The following ZMAT4 variants were observed in gnomAD, a reference collection of about 807,000 sequenced individuals.
The protein encoded by ZMAT4 is zinc finger matrin-type protein 4.
ZMAT4 carries 17 observed loss-of-function variants against 28.7 expected under a neutral mutation model. The ratio of observed to expected loss-of-function variants is 0.59; its 90% CI spans 0.41 to 0.89. The LOEUF is 0.89. ZMAT4 is among the 40% of genes least tolerant of loss of function. ZMAT4 has a pLI of 0.00. For synonymous variants in ZMAT4, 117 were observed against 109.2 expected (o/e 1.07, Z -0.44); for missense variants, 240 against 283.8 (o/e 0.85, Z 1.11).
chr8:40,874,272 C>T (rs1188974993), intron 1 of ZMAT4, among the ~76,000 whole-genome samples: 4 of 152,200 alleles, frequency 2.6e-5, no homozygotes, highest in South Asian at 2.1e-4. Context: ...TGGCCACACC[C>T]GTCACGTCCA....
intron 5 of ZMAT4, among the ~76,000 whole-genome samples, chr8:40,672,382 T>C (rs1808713089): frequency 6.6e-6 from 1 of 152,142 alleles, no homozygotes; most frequent in Admixed American, 6.6e-5. Flanking sequence ...TCTTAAGCTT[T>C]TGCAATATTT....
At chr8:40,573,844 G>T (rs1804177202) in intron 6 of ZMAT4, among the ~76,000 whole-genome samples, 1 of 152,178 alleles carries the variant, frequency 6.6e-6, no homozygotes, top group Admixed American at 6.5e-5. Flanking sequence ...TTAAGATTGA[G>T]AAAAGATTTG....
intron 3 of ZMAT4, among the ~76,000 whole-genome samples, chr8:40,758,409 C>A (rs972480830): frequency 1.4e-4 from 22 of 152,146 alleles, no homozygotes; most frequent in Admixed American, 1.4e-3. Flanking sequence ...TGACTCTTTT[C>A]AAATGTATGT....
chr8:40,687,771 T>A (rs1280193767), intron 4 of ZMAT4, among the ~76,000 whole-genome samples: 1 of 152,204 alleles, frequency 6.6e-6, no homozygotes, highest in African/African-American at 2.4e-5. Context: ...TTTTGCTAAC[T>A]GAAAATGAAA....
intron 1 of ZMAT4, chr8:40,884,749 C>G (rs546306284): frequency 1.3e-4 from 20 of 152,422 alleles, no homozygotes; most frequent in African/African-American, 4.8e-4. Context: ...TTGCTGGTTC[C>G]TCTCCAGTGT....
chr8:40,671,233 G>A (rs1808653007), intron 5 of ZMAT4, among the ~76,000 whole-genome samples: 1 of 152,142 alleles, frequency 6.6e-6, no homozygotes, highest in African/African-American at 2.4e-5. Flanking sequence ...TTTTTGAAGT[G>A]CAAAGTAACG....
intron 3 of ZMAT4, among the ~76,000 whole-genome samples, chr8:40,749,899 A>G (rs1812387640): frequency 6.6e-6 from 1 of 152,196 alleles, no homozygotes; most frequent in Non-Finnish European, 1.5e-5. Flanking sequence ...TGCTTACATG[A>G]TAGAATTTTC....
intron 5 of ZMAT4, among the ~76,000 whole-genome samples, chr8:40,625,708 T>G (rs1348525480): frequency 6.6e-6 from 1 of 151,898 alleles, no homozygotes; most frequent in Non-Finnish European, 1.5e-5. Context: ...GCTGAGATAT[T>G]TAGTAGACAC....
At chr8:40,759,035 A>T (rs987974543) in intron 3 of ZMAT4, among the ~76,000 whole-genome samples, 2 of 152,180 alleles carry the variant, frequency 1.3e-5, no homozygotes, top group Non-Finnish European at 2.9e-5. Context: ...CTGTAATCCT[A>T]GCCCTTTGGA....
intron 3 of ZMAT4, among the ~76,000 whole-genome samples, chr8:40,758,914 A>G (rs1812805001): frequency 6.6e-6 from 1 of 152,206 alleles, no homozygotes; most frequent in South Asian, 2.1e-4. Flanking sequence ...CTAATCACCT[A>G]CTGGAGAAAA....
chr8:40,649,390 A>G (rs1377264208), intron 5 of ZMAT4, among the ~76,000 whole-genome samples: 1 of 152,214 alleles, frequency 6.6e-6, no homozygotes. Context: ...ATAAATATAT[A>G]TGCACCCAAT....
chr8:40,661,196 G>A (rs1001772788), intron 5 of ZMAT4, among the ~76,000 whole-genome samples: 16 of 152,160 alleles, frequency 1.1e-4, no homozygotes, highest in Non-Finnish European at 2.9e-5. Context: ...CGCCTCCCAG[G>A]TTCAAGCGAT....
intron 5 of ZMAT4, among the ~76,000 whole-genome samples, chr8:40,672,971 T>A (rs908337168): frequency 2.0e-5 from 3 of 151,940 alleles, no homozygotes; most frequent in Admixed American, 1.3e-4. Flanking sequence ...CACATACACA[T>A]AAATAAAGTG....
intron 3 of ZMAT4, among the ~76,000 whole-genome samples, chr8:40,749,593 G>A (rs1329457469): frequency 6.6e-6 from 1 of 152,174 alleles, no homozygotes; most frequent in Non-Finnish European, 1.5e-5. Context: ...ATGACCCTGT[G>A]AACACTGTTC....
intron 3 of ZMAT4, among the ~76,000 whole-genome samples, chr8:40,740,309 C>T (rs1748890718): frequency 1.3e-5 from 2 of 152,166 alleles, no homozygotes; most frequent in South Asian, 2.1e-4. Context: ...CTGTTGCTTC[C>T]TGCCTTTTTA....
chr8:40,593,653 G>A (rs765417570), intron 5 of ZMAT4, among the ~76,000 whole-genome samples: 23 of 152,320 alleles, frequency 1.5e-4, no homozygotes, highest in Non-Finnish European at 2.5e-4. Flanking sequence ...CCAGGGAAGT[G>A]GATGCAGCAT....
intron 5 of ZMAT4, among the ~76,000 whole-genome samples, chr8:40,609,344 G>C (rs1052055039): frequency 6.6e-6 from 1 of 152,124 alleles, no homozygotes; most frequent in African/African-American, 2.4e-5. Flanking sequence ...TCTCAGACCA[G>C]CATTGGTCTA....
intron 5 of ZMAT4, among the ~76,000 whole-genome samples, chr8:40,634,372 G>A (rs1451681): frequency 0.97 from 148,431 of 152,296 alleles, 72,471 homozygotes; most frequent in Middle Eastern, 1. Context: ...CATGATGTAA[G>A]TGAATCTGAG....
At chr8:40,823,609 A>C (rs557848703) in intron 2 of ZMAT4, among the ~76,000 whole-genome samples, 5 of 152,208 alleles carry the variant, frequency 3.3e-5, no homozygotes, top group African/African-American at 1.2e-4. Context: ...CAGTGAGCTG[A>C]GATCGTGCCA....
Sources: allele counts gnomAD v4.1 joint callset (sites outside exome capture counted in the v4.1 genomes callset), GRCh38; gene constraint gnomAD v4.1.1; transcripts MANE v1.5; gene names NCBI Gene and HGNC (gene_info 2026-07-23, HGNC 2026-07-21).